The following BANF2 variants were observed in gnomAD, a reference collection of about 807,000 sequenced individuals.
BANF2 encodes the protein barrier-to-autointegration factor-like protein.
Under a neutral mutation model 8.0 loss-of-function variants are expected in BANF2, and 4 were observed. The observed-to-expected ratio is 0.50, with a 90% CI of 0.25 to 1.14. The LOEUF (loss-of-function observed/expected upper bound fraction) is 1.14. Ranked by LOEUF, BANF2 falls within the 50% of genes most tolerant of loss-of-function variation. The pLI is 0.16. For synonymous variants in BANF2, 50 were observed against 40.6 expected, an observed-to-expected ratio of 1.23 and a Z score of -0.88; for missense variants, 96 against 107.5, an observed-to-expected ratio of 0.89 and a Z score of 0.47.
At chr20:17,713,176 T>C (rs1426140703) in intron 1 of BANF2, among the ~76,000 whole-genome samples, 1 of 151,916 alleles carries the variant, frequency 6.6e-6, no homozygotes, top group Non-Finnish European at 1.5e-5. Flanking sequence ...GGAGGATCAC[T>C]TGACCCCGGA....
chr20:17,729,838 T>A (rs376009017), intron 3 of BANF2, among the ~76,000 whole-genome samples: 2 of 152,236 alleles, frequency 1.3e-5, no homozygotes, highest in African/African-American at 4.8e-5. Flanking sequence ...CCTAAGTTCC[T>A]TGGAGGCAGT....
chr20:17,714,737 G>T (rs1276014300), intron 1 of BANF2, among the ~76,000 whole-genome samples: 1 of 152,088 alleles, frequency 6.6e-6, no homozygotes, highest in Non-Finnish European at 1.5e-5. Context: ...AACATTCCTA[G>T]TGGAGCCTGG....
intron 3 of BANF2, among the ~76,000 whole-genome samples, chr20:17,725,903 G>A (rs1195828064): frequency 1.3e-5 from 2 of 152,150 alleles, no homozygotes; most frequent in African/African-American, 4.8e-5. Flanking sequence ...CACCCAAAGA[G>A]GCTGGGAACT....
chr20:17,713,546 A>G (rs912073573), intron 1 of BANF2, among the ~76,000 whole-genome samples: 2 of 152,170 alleles, frequency 1.3e-5, no homozygotes, highest in Admixed American at 6.5e-5. Flanking sequence ...GATGACTAAG[A>G]TAGTCCAGGC....
intron 1 of BANF2, among the ~76,000 whole-genome samples, chr20:17,703,282 G>T (rs1251674034): frequency 6.6e-6 from 1 of 152,136 alleles, no homozygotes; most frequent in African/African-American, 2.4e-5. Flanking sequence ...CTTGTCTACT[G>T]CCCTATCCCT....
intron 1 of BANF2, among the ~76,000 whole-genome samples, chr20:17,710,642 G>A (rs187321050): frequency 6.6e-6 from 1 of 152,328 alleles, no homozygotes; most frequent in African/African-American, 2.4e-5. Flanking sequence ...GGGACAAGCT[G>A]ACATCCAGAC....
At chr20:17,704,232 C>G (rs1489861860) in intron 1 of BANF2, among the ~76,000 whole-genome samples, 1 of 152,240 alleles carries the variant, frequency 6.6e-6, no homozygotes, top group African/African-American at 2.4e-5. Flanking sequence ...GCTACACAGT[C>G]ACTTCAACAG....
chr20:17,708,057 A>C (rs1158302057), intron 1 of BANF2, among the ~76,000 whole-genome samples: 2 of 151,356 alleles, frequency 1.3e-5, no homozygotes, highest in Non-Finnish European at 2.9e-5. Context: ...AAAAAAAAAA[A>C]AAAAAAAAAA....
chr20:17,699,596 G>A (rs1402963170), upstream of BANF2, among the ~76,000 whole-genome samples: 1 of 152,192 alleles, frequency 6.6e-6, no homozygotes, highest in Non-Finnish European at 1.5e-5. Flanking sequence ...AGGAGCTGGG[G>A]GTACCCACGG....
chr20:17,719,235 C>T (rs1482744023), intron 1 of BANF2, among the ~76,000 whole-genome samples: 1 of 152,164 alleles, frequency 6.6e-6, no homozygotes, highest in African/African-American at 2.4e-5. Flanking sequence ...AGTGAGTCTC[C>T]CGTCTCAGCC....
chr20:17,714,385 GA>G (rs1244656989), intron 1 of BANF2, among the ~76,000 whole-genome samples: 3 of 152,258 alleles, frequency 2.0e-5, no homozygotes, highest in African/African-American at 7.2e-5. Flanking sequence ...AAAGGGAAGG[GA>G]ATATTTTCAT....
chr20:17,727,399 G>GA (rs1220771053), intron 3 of BANF2, among the ~76,000 whole-genome samples: 12 of 152,240 alleles, frequency 7.9e-5, no homozygotes, highest in Non-Finnish European at 1.6e-4. Flanking sequence ...GAGGAGCAGT[G>GA]CCTTGTCCGC....
rs555799531 is a variant in BANF2, at chr20:17,725,009, C to G, written c.-3-14C>G. 7 of 1,602,866 alleles carry G rather than the reference C, an allele frequency of 4.4e-6. No individual in the cohort carries two copies. Among genetic ancestry groups the G allele is most frequent in the Non-Finnish European group, 6.0e-6 (7 of 1,170,804 alleles). On this transcript the variant is annotated splice_polypyrimidine_tract_variant and intron_variant, in intron 2 of 3. Transcript: ENST00000246090. ...GTATCTGCTAATCCTCCTCTCTCCC[C>G]ACTGCTGTCGCAGGAGATGGACAAC...
chr20:17,721,757 A>AT (rs2037732992), intron 1 of BANF2, among the ~76,000 whole-genome samples: 1 of 152,210 alleles, frequency 6.6e-6, no homozygotes, highest in African/African-American at 2.4e-5. Flanking sequence ...ACACAGAGTC[A>AT]TTGACTGATA....
intron 3 of BANF2, chr20:17,731,306 T>A (rs73900904): frequency 0.065 from 9,922 of 151,990 alleles, 327 homozygotes; most frequent in Middle Eastern, 0.11. Context: ...AGTTTAAACC[T>A]GAAATGACAT....
At chr20:17,712,586 T>A in intron 1 of BANF2, 1 of 948,558 alleles carries the variant, frequency 1.1e-6, no homozygotes, top group African/African-American at 1.8e-5. Flanking sequence ...ATCTTTCTTT[T>A]CTCTTCCACC....
intron 1 of BANF2, among the ~76,000 whole-genome samples, chr20:17,720,439 G>T (rs899251337): frequency 1.3e-5 from 2 of 152,222 alleles, no homozygotes; most frequent in Admixed American, 1.3e-4. Flanking sequence ...CTGCAGCACA[G>T]ATGAACCTTG....
At chr20:17,703,433 C>G (rs2037438064) in intron 1 of BANF2, among the ~76,000 whole-genome samples, 1 of 152,228 alleles carries the variant, frequency 6.6e-6, no homozygotes, top group Admixed American at 6.5e-5. Context: ...GGACAGCCCC[C>G]TCCTTCAGTG....
rs117651769 is a variant in BANF2 at position 17,717,556 on chromosome 20, A to G, written c.-166-5160A>G. On this transcript the variant is annotated intron_variant, in intron 1 of 3. Transcript: ENST00000246090. ...TATTCATCTAGGCTAGTTTCCCTATATGGTCATTAGGGTTAGCTCAGAGCT... is the reference window on the plus strand; with the variant it reads ...TATTCATCTAGGCTAGTTTCCCTATGTGGTCATTAGGGTTAGCTCAGAGCT... 1.5e-3 allele frequency among the ~76,000 whole-genome samples: 236 copies of G among 152,322 alleles called. 1 individual carries two copies. Among genetic ancestry groups the G allele is most frequent in the South Asian group, 0.013 (61 of 4,828 alleles).
Sources: gnomAD v4.1 joint callset for allele counts (sites outside exome capture counted in the v4.1 genomes callset) on GRCh38, gnomAD v4.1.1 for gene constraint, MANE v1.5 for transcripts, NCBI Gene and HGNC (gene_info 2026-07-23, HGNC 2026-07-21) for gene names.